The following DPYSL2 variants were observed in gnomAD, a reference collection of about 807,000 sequenced individuals.
DPYSL2 encodes dihydropyrimidinase-related protein 2.
A neutral mutation model predicts 69.9 loss-of-function variants in DPYSL2; 13 were observed. The ratio of observed to expected loss-of-function variants is 0.19; its 90% CI spans 0.12 to 0.30. The LOEUF (loss-of-function observed/expected upper bound fraction) is 0.30. DPYSL2 is among the 10% of genes least tolerant of loss of function. DPYSL2 has a pLI of 1.00. For synonymous variants in DPYSL2, 326 were observed against 359.1 expected (o/e 0.91, Z 1.04); for missense variants, 587 against 918.9 (o/e 0.64, Z 4.67).
chr8:26,603,615 C>A (rs1802043747), intron 3 of DPYSL2, among the ~76,000 whole-genome samples: 1 of 152,212 alleles, frequency 6.6e-6, no homozygotes, highest in African/African-American at 2.4e-5. Flanking sequence ...TTATCATCAT[C>A]CCTAACTGAT....
At position 26,641,050 on chromosome 8, in the gene DPYSL2, T is replaced by C. The variant is rs73567685; in HGVS notation, c.1127-2389T>C. Among the ~76,000 whole-genome samples, 1,427 of 152,252 alleles carry C rather than the reference T, an allele frequency of 9.4e-3. 20 individuals are homozygous for C. The highest frequency in any genetic ancestry group is 0.033 in the African/African-American group (1,368 of 41,516). ...CTGAGTTGTGTTTCGCAGGGAGAGATAAGCCTGTGGTCAGCAGCATTCATC... is the reference window on the plus strand; with the variant it reads ...CTGAGTTGTGTTTCGCAGGGAGAGACAAGCCTGTGGTCAGCAGCATTCATC... On this transcript the variant is annotated intron_variant, in intron 8 of 13. Transcript: ENST00000521913. The surrounding 1 kb of genome is among the most constrained non-coding windows in gnomAD (Gnocchi z 4.1).
At chr8:26,534,889 T>C (rs1405692822) in intron 1 of DPYSL2, among the ~76,000 whole-genome samples, 1 of 152,132 alleles carries the variant, frequency 6.6e-6, no homozygotes, top group Admixed American at 6.5e-5. Flanking sequence ...CACCTCAGCC[T>C]CCCAAAACAC....
chr8:26,587,596 T>A lies in DPYSL2; in HGVS notation c.628+3613T>A, dbSNP rs541451231. On this transcript the variant is annotated intron_variant, in intron 3 of 13. Transcript: ENST00000521913. This position sits in a 1 kb window ranked among gnomAD's most constrained non-coding sequence, Gnocchi z 4.2. ...GGCATGTCAGCAGCAGAAGATAATA[T>A]TATTGCCATTAAACAGAGCCTGCTA... is the stretch of plus-strand genomic sequence containing the variant. 2.0e-5 allele frequency among the ~76,000 whole-genome samples: 3 copies of A among 152,328 alleles called. No homozygotes were observed. Among genetic ancestry groups the A allele is most frequent in the African/African-American group, 7.2e-5 (3 of 41,564 alleles).
rs1483997073 is a variant in DPYSL2, at chr8:26,657,629, A to C, written c.*1923A>C. 3 of 152,588 alleles carry C rather than the reference A, an allele frequency of 2.0e-5. No homozygotes were observed. The highest frequency in any genetic ancestry group is 7.2e-5 in the African/African-American group (3 of 41,418). 9.5% of individuals were successfully genotyped at this position (152,588 alleles called of 1,614,324 possible). On this transcript the variant is annotated 3_prime_UTR_variant, in exon 14 of 14. Coordinates refer to ENST00000521913, the MANE Select transcript of DPYSL2 (RefSeq NM_001197293.3). Reference sequence around the variant, plus strand: ...TATATTTGCTTTTTTTCTCACCTGCACTTAGAGGAAATTTGAACAAGTTGG... The same window carrying C: ...TATATTTGCTTTTTTTCTCACCTGCCCTTAGAGGAAATTTGAACAAGTTGG...
At chr8:26,578,202 C>A in intron 1 of DPYSL2, 2 of 1,611,934 alleles carry the variant, frequency 1.2e-6, no homozygotes, top group South Asian at 2.2e-5. Flanking sequence ...CCCTTCCCGG[C>A]AGTTTTTGCC....
At chr8:26,602,230 G>A (rs1003252198) in intron 3 of DPYSL2, among the ~76,000 whole-genome samples, 3 of 151,122 alleles carry the variant, frequency 2.0e-5, no homozygotes, top group African/African-American at 4.9e-5. Flanking sequence ...TTTGGGTCTG[G>A]GCCATGCCTT....
chr8:26,629,105 C>T (rs898933902), intron 7 of DPYSL2, among the ~76,000 whole-genome samples: 12 of 152,278 alleles, frequency 7.9e-5, no homozygotes, highest in South Asian at 4.1e-4. Flanking sequence ...GGGAGCCACT[C>T]GGAATGCTTT....
In DPYSL2 at chr8:26,571,955, C is replaced by T. The variant is rs1244003561; in HGVS notation, c.355-10014C>T. 6.6e-6 allele frequency among the ~76,000 whole-genome samples: 1 copy of T among 152,214 alleles called. No individual in the cohort carries two copies. Among genetic ancestry groups the T allele is most frequent in the African/African-American group, 2.4e-5 (1 of 41,450 alleles). On this transcript the variant is annotated intron_variant, in intron 1 of 13. Transcript: ENST00000521913. This position sits in a 1 kb window ranked among gnomAD's most constrained non-coding sequence, Gnocchi z 6.1. ...AGGCATCACTTCCAGCTCAAGTGTCCTAGTCAATGCCCTTTGTTTTGGCAA... is the reference window on the plus strand; with the variant it reads ...AGGCATCACTTCCAGCTCAAGTGTCTTAGTCAATGCCCTTTGTTTTGGCAA...
rs1239774900 is a variant in DPYSL2 at position 26,583,366 on chromosome 8, C to T, written c.444-433C>T. Among the ~76,000 whole-genome samples the T allele has an allele frequency of 2.0e-5, 3 of 150,510 alleles. No homozygotes were observed. In the East Asian group the frequency reaches 5.8e-4, roughly 29 times the overall value. On this transcript the variant is annotated intron_variant, in intron 2 of 13. Transcript: ENST00000521913. The stretch of plus-strand genomic sequence containing the variant: ...TTTTGCTTTGATTTGTTCTACCTCA[C>T]CCTTCCACCCCTATTTTCCTTCTGG...
chr8:26,549,767 T>C (rs1277469655), intron 1 of DPYSL2, among the ~76,000 whole-genome samples: 1 of 152,176 alleles, frequency 6.6e-6, no homozygotes, highest in Non-Finnish European at 1.5e-5. Context: ...AAGTGAAAGA[T>C]TTCGTGCTGA....
At chr8:26,600,671 A>G (rs1801970639) in intron 3 of DPYSL2, among the ~76,000 whole-genome samples, 1 of 152,112 alleles carries the variant, frequency 6.6e-6, no homozygotes, top group Admixed American at 6.5e-5. Flanking sequence ...AGATGTTTGC[A>G]GAGATGAGAA....
chr8:26,642,584 G>A lies in DPYSL2; in HGVS notation c.1127-855G>A, dbSNP rs887623683. 2.0e-5 allele frequency among the ~76,000 whole-genome samples: 3 copies of A among 152,160 alleles called. No homozygotes were observed. The highest frequency in any genetic ancestry group is 2.1e-4 in the South Asian group (1 of 4,824). On this transcript the variant is annotated intron_variant, in intron 8 of 13. Coordinates refer to ENST00000521913, the MANE Select transcript of DPYSL2 (RefSeq NM_001197293.3). The surrounding 1 kb of genome is among the most constrained non-coding windows in gnomAD (Gnocchi z 5.3). ...GGAGGCTCTGTTGGAATGAGCTGGC[G>A]AGAGATGATGAGGGCCTGATTTAAG...
chr8:26,573,505 A>G (rs1411220607), intron 1 of DPYSL2, among the ~76,000 whole-genome samples: 1 of 151,760 alleles, frequency 6.6e-6, no homozygotes, highest in Non-Finnish European at 1.5e-5. Context: ...TGTCTCTACT[A>G]AAAAATACAA....
At position 26,587,139 on chromosome 8, in the gene DPYSL2, G is replaced by A. The variant is rs1019955153; in HGVS notation, c.628+3156G>A. Among the ~76,000 whole-genome samples the A allele has an allele frequency of 6.6e-6, 1 of 152,138 alleles. No homozygotes were observed. Among genetic ancestry groups the A allele is most frequent in the African/African-American group, 2.4e-5 (1 of 41,412 alleles). Reference sequence around the variant, plus strand: ...CTGCATTGCTTTAAGTGAGTGAGTGGCTGGGATTTGCTTTACAGAGAAGGA... The same window carrying A: ...CTGCATTGCTTTAAGTGAGTGAGTGACTGGGATTTGCTTTACAGAGAAGGA... On this transcript the variant is annotated intron_variant, in intron 3 of 13. Transcript: ENST00000521913. This position sits in a 1 kb window ranked among gnomAD's most constrained non-coding sequence, Gnocchi z 4.2.
intron 1 of DPYSL2, among the ~76,000 whole-genome samples, chr8:26,515,923 G>A (rs1008316513): frequency 5.9e-5 from 9 of 152,186 alleles, no homozygotes; most frequent in African/African-American, 1.2e-4. Flanking sequence ...CATATTCAGC[G>A]AGGGATTCCA....
At chr8:26,527,156 G>A (rs1808492619) in intron 1 of DPYSL2, among the ~76,000 whole-genome samples, 1 of 152,174 alleles carries the variant, frequency 6.6e-6, no homozygotes, top group South Asian at 2.1e-4. Context: ...GCTGCTGACG[G>A]TCCCTGAAAT....
At chr8:26,553,417 C>T (rs1003693285) in intron 1 of DPYSL2, among the ~76,000 whole-genome samples, 3 of 152,122 alleles carry the variant, frequency 2.0e-5, no homozygotes, top group African/African-American at 7.2e-5. Context: ...TCTGTGGTTC[C>T]CCTCTTTGTG....
intron 1 of DPYSL2, among the ~76,000 whole-genome samples, chr8:26,519,954 G>GTAA (rs1808358349): frequency 6.6e-6 from 1 of 152,116 alleles, no homozygotes; most frequent in Non-Finnish European, 1.5e-5. Flanking sequence ...ATTGTAAAAT[G>GTAA]ATATGGTTTG....
At chr8:26,601,721 A>C (rs757217196) in intron 3 of DPYSL2, among the ~76,000 whole-genome samples, 1 of 152,224 alleles carries the variant, frequency 6.6e-6, no homozygotes, top group Non-Finnish European at 1.5e-5. Flanking sequence ...AGGATTTAGG[A>C]GGACGAGAGA....
Sources: allele counts gnomAD v4.1 joint callset (sites outside exome capture counted in the v4.1 genomes callset), GRCh38; gene constraint gnomAD v4.1.1; non-coding constraint Gnocchi (gnomAD v3.1); transcripts MANE v1.5; gene names NCBI Gene and HGNC (gene_info 2026-07-23, HGNC 2026-07-21).